Variants in SRFBP1 observed in about 807,000 individuals in gnomAD.
SRFBP1 encodes serum response factor binding protein 1, also known as serum response factor-binding protein 1.
In SRFBP1, 47 loss-of-function variants were observed where a neutral mutation model predicts 45.5. That is an observed-to-expected ratio of 1.03 (90% CI 0.82 to 1.32). The LOEUF is 1.32. Ranked by LOEUF, SRFBP1 falls within the 40% of genes most tolerant of loss-of-function variation. The pLI is 0.00. For synonymous variants in SRFBP1, 203 were observed against 166.3 expected (o/e 1.22, Z -1.70); for missense variants, 621 against 484.6 (o/e 1.28, Z -2.64).
In SRFBP1 at chr5:122,027,002, T is replaced by G. The variant is rs368710032; in HGVS notation, c.1166T>G (p.Leu389Arg). 4 of 1,613,034 alleles carry G rather than the reference T, an allele frequency of 2.5e-6. No homozygotes were observed. The highest frequency in any genetic ancestry group is 1.3e-5 in the African/African-American group (1 of 74,678). ...TTTAATAAGAAGCTATCAGGAAGAC[T>G]TGAAAATACAAAACAGCAATTGCAG... ...NQFNKKLSGR[L>R]ENTKQQLQLP... is the part of the protein sequence containing the mutation. Residue 389 changes from leucine to arginine, a missense_variant, in exon 8 of 8, where the codon CTT (leucine) becomes CGT (arginine). Coordinates refer to ENST00000339397, the MANE Select transcript of SRFBP1 (RefSeq NM_152546.3).
At chr5:121,999,589 G>T (rs899433656) in intron 4 of SRFBP1, among the ~76,000 whole-genome samples, 5 of 151,648 alleles carry the variant, frequency 3.3e-5, no homozygotes, top group Non-Finnish European at 7.4e-5. Context: ...TTTCAGCTTT[G>T]TCACTTTTTG....
intron 7 of SRFBP1, among the ~76,000 whole-genome samples, chr5:122,022,970 T>G (rs1328117270): frequency 1.3e-5 from 2 of 152,234 alleles, no homozygotes; most frequent in Non-Finnish European, 1.5e-5. Context: ...GGATCAGGCT[T>G]CTTCCATCTT....
At chr5:122,033,703 C>T (rs903897622) in intron 2 of SRFBP1, among the ~76,000 whole-genome samples, 2 of 151,910 alleles carry the variant, frequency 1.3e-5, no homozygotes, top group African/African-American at 2.4e-5. Context: ...AGGTGATCTA[C>T]CTGCCTCAGA....
At chr5:121,963,432 G>A (rs569603460) in intron 1 of SRFBP1, among the ~76,000 whole-genome samples, 20 of 152,148 alleles carry the variant, frequency 1.3e-4, no homozygotes, top group Non-Finnish European at 2.9e-4. Flanking sequence ...TCAGAGTAAT[G>A]TCCCTGGGAT....
intron 1 of SRFBP1, among the ~76,000 whole-genome samples, chr5:121,969,463 G>C (rs1246168867): frequency 1.3e-5 from 2 of 151,916 alleles, no homozygotes; most frequent in African/African-American, 2.4e-5. Flanking sequence ...CCTCTCTGTG[G>C]TTTCCTTTCC....
At chr5:122,011,282 C>T (rs1414003082) in intron 4 of SRFBP1, among the ~76,000 whole-genome samples, 2 of 152,016 alleles carry the variant, frequency 1.3e-5, no homozygotes, top group Non-Finnish European at 2.9e-5. Flanking sequence ...TAAAAATTTT[C>T]CATTAAAAGG....
intron 2 of SRFBP1, among the ~76,000 whole-genome samples, chr5:122,034,783 A>G (rs1341088525): frequency 6.6e-6 from 1 of 152,000 alleles, no homozygotes; most frequent in East Asian, 1.9e-4. Flanking sequence ...TAAAAAAAAA[A>G]AGACTCATGG....
chr5:121,991,465 CAG>C (rs1752620411), intron 3 of SRFBP1, among the ~76,000 whole-genome samples: 4 of 152,042 alleles, frequency 2.6e-5, no homozygotes, highest in Non-Finnish European at 5.9e-5. Flanking sequence ...GACTTTGCAG[CAG>C]ACTCTTAGGA....
chr5:121,991,158 C>T (rs903940730), intron 3 of SRFBP1, among the ~76,000 whole-genome samples: 10 of 152,102 alleles, frequency 6.6e-5, no homozygotes, highest in Admixed American at 5.9e-4. Context: ...TTCTGCATGT[C>T]TCCTCCAGTT....
intron 3 of SRFBP1, among the ~76,000 whole-genome samples, 169 bp from the exon 4 acceptor site, chr5:121,994,430 T>A (rs1752676651): frequency 6.6e-6 from 1 of 152,056 alleles, no homozygotes; most frequent in Non-Finnish European, 1.5e-5. Context: ...CACATTCCGT[T>A]ATATTCCTGA....
rs1399948713 is a variant in SRFBP1, at chr5:121,995,629, A to G, written c.270+959A>G. ...ACTAGAAAAGCAAGAGCAAACATTC[A>G]AAAGCTAGCAGAAGGCAAGAAATAA... On this transcript the variant is annotated intron_variant, in intron 4 of 7. Coordinates refer to ENST00000339397, the MANE Select transcript of SRFBP1 (RefSeq NM_152546.3). Among the ~76,000 whole-genome samples, 3 of 152,162 alleles carry G rather than the reference A, an allele frequency of 2.0e-5. No individual in the cohort carries two copies. The East Asian group carries it at 5.8e-4, about 29-fold the overall frequency.
intron 2 of SRFBP1, among the ~76,000 whole-genome samples, chr5:122,051,652 T>C (rs1753985059): frequency 6.6e-6 from 1 of 152,000 alleles, no homozygotes; most frequent in African/African-American, 2.4e-5. Flanking sequence ...GTGGATATCA[T>C]TGCATGTGAG....
In SRFBP1 at chr5:122,020,086, A is replaced by G; in HGVS notation, c.353-2A>G. The G allele has an allele frequency of 1.3e-6, 2 of 1,535,772 alleles. No homozygotes were observed. The highest frequency in any genetic ancestry group is 1.3e-5 in the South Asian group (1 of 76,906). On this transcript the variant is annotated splice_acceptor_variant, in intron 5 of 7. Transcript: ENST00000339397. LOFTEE classifies it high-confidence loss of function. ...ATGAGTGATGCACTGTTTCTCTTGCAGCTGCTGTACAAGCCTTTAAAGAAG... is the reference window on the plus strand; with the variant it reads ...ATGAGTGATGCACTGTTTCTCTTGCGGCTGCTGTACAAGCCTTTAAAGAAG...
chr5:122,038,966 A>T (rs929206839), intron 2 of SRFBP1, among the ~76,000 whole-genome samples: 5 of 152,124 alleles, frequency 3.3e-5, no homozygotes, highest in Non-Finnish European at 7.4e-5. Context: ...GCATATGGTA[A>T]TTATGAAAAA....
rs756921922 is a variant in SRFBP1 at position 122,020,750 on chromosome 5, A to C, written c.1015A>C (p.Lys339Gln). Reference protein sequence around the residue: ...DKIKPSTETRKLESVFFHSLS... With the variant: ...DKIKPSTETRQLESVFFHSLS... ...AATCAAGCCAAGTACAGAAACCAGA[A>C]AGTTAGAATCAGTGTTTTTCCACTC... The change falls in exon 6 of 8, where the codon AAG (lysine) becomes CAG (glutamine). Residue 339 changes from lysine to glutamine, a missense_variant. Coordinates refer to ENST00000339397, the MANE Select transcript of SRFBP1 (RefSeq NM_152546.3). The C allele has an allele frequency of 4.4e-6, 7 of 1,603,986 alleles. No individual in the cohort carries two copies. The highest frequency in any genetic ancestry group is 5.9e-6 in the Non-Finnish European group (7 of 1,177,310).
intron 2 of SRFBP1, among the ~76,000 whole-genome samples, chr5:122,060,715 AATGAAACC>A (rs1276177975): frequency 7.2e-6 from 1 of 139,450 alleles, no homozygotes; most frequent in Non-Finnish European, 1.6e-5. Flanking sequence ...ATGAAACCTC[AATGAAACC>A]AAGAAAATAA....
chr5:122,077,133 A>G (rs555138814), downstream of SRFBP1: 17 of 1,480,188 alleles, frequency 1.1e-5, no homozygotes, highest in African/African-American at 4.2e-5. The surrounding 1 kb of genome is among the most constrained non-coding windows in gnomAD (Gnocchi z 4.9). Context: ...GAGGACAGCA[A>G]GAGAACTGGG....
intron 4 of SRFBP1, among the ~76,000 whole-genome samples, chr5:121,999,549 A>G (rs560092842): frequency 2.0e-5 from 3 of 152,160 alleles, no homozygotes; most frequent in South Asian, 2.1e-4. Context: ...TGGAACCTCC[A>G]TCTATGAATG....
intron 3 of SRFBP1, among the ~76,000 whole-genome samples, chr5:121,985,946 G>A (rs1752509745): frequency 6.6e-6 from 1 of 151,896 alleles, no homozygotes; most frequent in African/African-American, 2.4e-5. Context: ...ACTTGGATAT[G>A]TAAGTCTGCA....
Sources: allele counts gnomAD v4.1 joint callset (sites outside exome capture counted in the v4.1 genomes callset), GRCh38; gene constraint gnomAD v4.1.1; non-coding constraint Gnocchi (gnomAD v3.1); transcripts MANE v1.5; gene names NCBI Gene and HGNC (gene_info 2026-07-23, HGNC 2026-07-21).